PAPPA: variants seen among roughly 807,000 people sequenced by gnomAD.
PAPPA encodes pappalysin 1.
Under a neutral mutation model 164.0 loss-of-function variants are expected in PAPPA, and 60 were observed. The ratio of observed to expected loss-of-function variants is 0.37; its 90% confidence interval spans 0.30 to 0.45. PAPPA has a LOEUF of 0.45. Ranked by LOEUF, PAPPA falls within the 20% of genes least tolerant of loss-of-function variation. The pLI, the probability that PAPPA is intolerant of heterozygous loss-of-function variation, is 1.00. For missense variants in PAPPA, 1,782 were observed against 2,087.3 expected, an observed-to-expected ratio of 0.85 and a Z score of 2.85; for synonymous variants, 875 against 814.1, an observed-to-expected ratio of 1.07 and a Z score of -1.27.
At chr9:116,360,772 G>C (rs995447981) in intron 17 of PAPPA, among the ~76,000 whole-genome samples, 11 of 152,284 alleles carry the variant, frequency 7.2e-5, no homozygotes, top group Admixed American at 7.2e-4. Flanking sequence ...GCACTGAGTG[G>C]CCTGGACCTT....
At chr9:116,355,233 A>G (rs867485747) in intron 17 of PAPPA, among the ~76,000 whole-genome samples, 11 of 152,238 alleles carry the variant, frequency 7.2e-5, no homozygotes, top group South Asian at 2.1e-4. Flanking sequence ...CCAGGCACCT[A>G]GTAGGTACTC....
chr9:116,370,602 G>A (rs979201763), intron 19 of PAPPA, among the ~76,000 whole-genome samples: 8 of 152,166 alleles, frequency 5.3e-5, no homozygotes, highest in Admixed American at 2.6e-4. Flanking sequence ...AGGTTTCCAG[G>A]TTGCTGTCAC....
At chr9:116,328,388 A>G (rs923537741) in intron 10 of PAPPA, among the ~76,000 whole-genome samples, 4 of 152,214 alleles carry the variant, frequency 2.6e-5, no homozygotes, top group African/African-American at 9.6e-5. Context: ...CAGCCCATTT[A>G]AGTGGCTATG....
intron 4 of PAPPA, among the ~76,000 whole-genome samples, chr9:116,219,033 C>T (rs1844410398): frequency 1.3e-5 from 2 of 152,168 alleles, no homozygotes; most frequent in South Asian, 4.1e-4. Flanking sequence ...TGCCTGACTC[C>T]CTGGCCTGTG....
chr9:116,166,691 A>T (rs1017362975), intron 1 of PAPPA, among the ~76,000 whole-genome samples: 12 of 152,236 alleles, frequency 7.9e-5, no homozygotes, highest in Admixed American at 5.9e-4. Context: ...TGAATGCTAC[A>T]CTTTGAACAC....
intron 7 of PAPPA, among the ~76,000 whole-genome samples, chr9:116,254,468 T>C (rs961986550): frequency 6.6e-6 from 1 of 152,184 alleles, no homozygotes; most frequent in African/African-American, 2.4e-5. Flanking sequence ...ATAATGTGTG[T>C]ATGTGTGTTT....
rs368097762 is a variant in PAPPA at position 116,400,796 on chromosome 9, A to G, written c.*4180A>G. ...TTAAAAGAAATGTATAATAGCCAAAAGAGAAATTATGTCCCTGTTGTACAG... is the reference window on the plus strand; with the variant it reads ...TTAAAAGAAATGTATAATAGCCAAAGGAGAAATTATGTCCCTGTTGTACAG... On this transcript the variant is annotated 3_prime_UTR_variant, in exon 22 of 22. Transcript: ENST00000328252. The G allele has an allele frequency of 6.6e-6, 1 of 152,632 alleles. No individual in the cohort carries two copies. The highest frequency in any genetic ancestry group is 2.4e-5 in the African/African-American group (1 of 41,474). 9.5% of individuals were successfully genotyped at this position (152,632 alleles called of 1,614,324 possible).
chr9:116,197,654 G>C (rs955893867), intron 2 of PAPPA, among the ~76,000 whole-genome samples: 1 of 152,122 alleles, frequency 6.6e-6, no homozygotes, highest in African/African-American at 2.4e-5. Flanking sequence ...GACTTTCTAA[G>C]AGTTGTCTCT....
intron 13 of PAPPA, among the ~76,000 whole-genome samples, chr9:116,337,691 C>A (rs908810032): frequency 6.6e-6 from 1 of 151,258 alleles, no homozygotes; most frequent in Admixed American, 6.6e-5. Flanking sequence ...TCCATCTCCT[C>A]TCTCTCTCTC....
In PAPPA at chr9:116,382,444, G is replaced by A. The variant is rs774600075; in HGVS notation, c.4727G>A (p.Cys1576Tyr). Reference protein sequence around the residue: ...YCDAINNRAFCNYDGGDCCTS... With the variant: ...YCDAINNRAFYNYDGGDCCTS... ...GATGCCATCAACAACCGAGCCTTTT[G>A]CAACTATGACGGTGGGGATTGCTGC... Residue 1576 changes from cysteine (C) to tyrosine (Y), a missense_variant, in exon 21 of 22, where the codon TGC becomes TAC. This residue lies in a region of PAPPA where 1,324 missense variants were observed against 1,656.9 expected (regional missense o/e 0.80). Coordinates refer to ENST00000328252, the MANE Select transcript of PAPPA (RefSeq NM_002581.5). 6.2e-7 allele frequency: 1 copy of A among 1,613,880 alleles called. No homozygotes were observed. The highest frequency in any genetic ancestry group is 8.5e-7 in the Non-Finnish European group (1 of 1,179,888).
Position 116,154,716 on chromosome 9 carries a change from G to C in PAPPA, c.415+129G>C. On this transcript the variant is annotated intron_variant, in intron 1 of 21. Coordinates refer to ENST00000328252, the MANE Select transcript of PAPPA (RefSeq NM_002581.5). The surrounding 1 kb of genome is among the most constrained non-coding windows in gnomAD (Gnocchi z 5.2). ...TCTGTGCGAGAGCTGCCCCGCGAGC[G>C]GCGCAGAGACATCCGGGCGAGCTGA... 4 of 1,110,278 alleles carry C rather than the reference G, an allele frequency of 3.6e-6. No individual in the cohort carries two copies. The highest frequency in any genetic ancestry group is 4.5e-6 in the Non-Finnish European group (4 of 891,060). 68.8% of individuals were successfully genotyped at this position (1,110,278 alleles called of 1,614,324 possible).
chr9:116,300,557 G>A (rs1310051004), intron 9 of PAPPA, among the ~76,000 whole-genome samples: 1 of 152,190 alleles, frequency 6.6e-6, no homozygotes, highest in Non-Finnish European at 1.5e-5. Context: ...ACAGGCATGA[G>A]CCACTGTGCC....
chr9:116,234,154 T>A (rs1844631780), intron 6 of PAPPA, among the ~76,000 whole-genome samples: 1 of 152,200 alleles, frequency 6.6e-6, no homozygotes, highest in African/African-American at 2.4e-5. Flanking sequence ...CATTGAGTCC[T>A]GGTTATTTTC....
At chr9:116,363,823 T>C (rs2118636341) in intron 18 of PAPPA, among the ~76,000 whole-genome samples, 1 of 152,310 alleles carries the variant, frequency 6.6e-6, no homozygotes, top group African/African-American at 2.4e-5. Context: ...ATGGGGACTG[T>C]CCATCCTTTT....
intron 1 of PAPPA, among the ~76,000 whole-genome samples, chr9:116,180,346 G>A (rs74395770): frequency 0.022 from 3,400 of 152,160 alleles, 56 homozygotes; most frequent in Middle Eastern, 0.038. Flanking sequence ...TGGCTCTGGA[G>A]TGAAAGAGAT....
intron 2 of PAPPA, among the ~76,000 whole-genome samples, chr9:116,204,136 T>C (rs1213929109): frequency 2.0e-5 from 3 of 152,152 alleles, no homozygotes; most frequent in African/African-American, 7.2e-5. Context: ...TCTTATTTAA[T>C]CCTGTTGGGA....
At chr9:116,317,388 G>T (rs1845800213) in intron 10 of PAPPA, among the ~76,000 whole-genome samples, 1 of 152,132 alleles carries the variant, frequency 6.6e-6, no homozygotes, top group Non-Finnish European at 1.5e-5. Context: ...AGGTGTAGAA[G>T]CTTCCTAAGA....
chr9:116,345,466 T>C (rs918792405), intron 14 of PAPPA, among the ~76,000 whole-genome samples: 2 of 151,892 alleles, frequency 1.3e-5, no homozygotes, highest in African/African-American at 4.8e-5. Flanking sequence ...TGCCACAGAT[T>C]TTTTTGTTTG....
At chr9:116,265,743 G>T (rs1845059781) in intron 7 of PAPPA, 114 bp from the exon 8 acceptor site, 1 of 807,444 alleles carries the variant, frequency 1.2e-6, no homozygotes, top group African/African-American at 1.7e-5. Flanking sequence ...ATGTGCATTT[G>T]ATTTCAAAAA....
Sources: gnomAD v4.1 joint callset for allele counts (sites outside exome capture counted in the v4.1 genomes callset) on GRCh38, gnomAD v4.1.1 for gene constraint, gnomAD v4.1.1 regional missense constraint, Gnocchi (gnomAD v3.1) non-coding constraint, MANE v1.5 for transcripts, NCBI Gene and HGNC (gene_info 2026-07-23, HGNC 2026-07-21) for gene names.